The following SSH2 variants were observed in gnomAD, a reference collection of about 807,000 sequenced individuals.
The protein encoded by SSH2 is slingshot protein phosphatase 2.
In SSH2, 37 loss-of-function variants were observed where a neutral mutation model predicts 135.2. That is an observed-to-expected ratio of 0.27 (90% CI 0.21 to 0.36). SSH2 has a LOEUF of 0.36. Among genes scored for constraint, SSH2 ranks in the 10% least tolerant of loss-of-function variants. SSH2 has a pLI of 1.00. For synonymous variants in SSH2, 628 were observed against 646.2 expected (o/e 0.97, Z 0.43); for missense variants, 1,408 against 1,765.3 (o/e 0.80, Z 3.63).
At position 29,929,945 on chromosome 17, in the gene SSH2, C is replaced by A; in HGVS notation, c.56G>T (p.Cys19Phe). ...SPTPSTTSSP[C>F]ASSSHLEDSE... ...CCGCCAGGAAGGACTCACCGAGGCG[C>A]AGGGGCTGGAGGTGGTGCTGGGGGT... Residue 19 changes from cysteine (C) to phenylalanine (F), a missense_variant, in exon 1 of 16, where the codon TGC becomes TTC. Physicochemically the swap from Cys to Phe is radical, Grantham distance 205 (BLOSUM62 -2). Around this residue, in one of 3 missense-constraint regions of SSH2, gnomAD observed 222 missense variants for 355.6 expected, o/e 0.62. Transcript: ENST00000540801. 1 of 1,601,106 alleles carries A rather than the reference C, an allele frequency of 6.2e-7. No homozygotes were observed.
At position 29,632,045 on chromosome 17, in the gene SSH2, T is replaced by C. The variant is rs778052358; in HGVS notation, c.3149A>G (p.His1050Arg). The change falls in exon 16 of 16, where the codon CAC becomes CGC. Residue 1050 changes from histidine to arginine, a missense_variant. Around this residue, in one of 3 missense-constraint regions of SSH2, gnomAD observed 1,080 missense variants for 1,144.5 expected, o/e 0.94. Transcript: ENST00000540801. ...GGCTATTTCACTCCCTGGCCCAGTG[T>C]GATTGGGTGATGTAACTATGTGGGT... ...EYTHIVTSPNHTGPGSEIATS... is the reference protein window; with the variant it reads ...EYTHIVTSPNRTGPGSEIATS... 1 of 1,614,166 alleles carries C rather than the reference T, an allele frequency of 6.2e-7. No homozygotes were observed. The highest frequency in any genetic ancestry group is 8.5e-7 in the Non-Finnish European group (1 of 1,180,020).
intron 3 of SSH2, among the ~76,000 whole-genome samples, chr17:29,769,120 A>G (rs1332940528): frequency 1.3e-5 from 2 of 152,220 alleles, no homozygotes; most frequent in Non-Finnish European, 2.9e-5. Flanking sequence ...CAATCCTATG[A>G]TTCTATTATT....
At chr17:29,738,889 G>GA (rs2040465574) in intron 3 of SSH2, among the ~76,000 whole-genome samples, 2 of 152,038 alleles carry the variant, frequency 1.3e-5, no homozygotes, top group African/African-American at 4.8e-5. Flanking sequence ...AAGATGAGAG[G>GA]AAAAAATACT....
chr17:29,652,065 C>A (rs2036598388), intron 12 of SSH2, among the ~76,000 whole-genome samples: 1 of 152,118 alleles, frequency 6.6e-6, no homozygotes, highest in South Asian at 2.1e-4. Context: ...TTGCTTGAAC[C>A]CGGGAGGCGG....
At chr17:29,678,485 C>T (rs2037820914) in intron 6 of SSH2, among the ~76,000 whole-genome samples, 1 of 152,078 alleles carries the variant, frequency 6.6e-6, no homozygotes, top group African/African-American at 2.4e-5. Context: ...ATTTACTTAA[C>T]ACCAGAACAC....
chr17:29,823,878 C>CAAAAAA (rs60064865), intron 2 of SSH2, among the ~76,000 whole-genome samples: 4 of 85,054 alleles, frequency 4.7e-5, no homozygotes, highest in African/African-American at 1.4e-4. Flanking sequence ...GACTCTGTCT[C>CAAAAAA]AAAAAAAAAA....
At chr17:29,794,450 T>G (rs2042123682) in intron 2 of SSH2, among the ~76,000 whole-genome samples, 1 of 152,296 alleles carries the variant, frequency 6.6e-6, no homozygotes, top group South Asian at 2.1e-4. Flanking sequence ...GTTCCTCAAT[T>G]TAAGTACATT....
At chr17:29,732,289 T>C (rs984122216) in intron 3 of SSH2, among the ~76,000 whole-genome samples, 1 of 152,196 alleles carries the variant, frequency 6.6e-6, no homozygotes, top group African/African-American at 2.4e-5. Flanking sequence ...CAGGAGTATA[T>C]AAATGCAAAT....
At chr17:29,751,199 T>A (rs762815891) in intron 3 of SSH2, among the ~76,000 whole-genome samples, 4 of 152,258 alleles carry the variant, frequency 2.6e-5, no homozygotes, top group Non-Finnish European at 5.9e-5. Context: ...GTGGATCACC[T>A]GAGGTCCAGA....
At chr17:29,879,808 T>C (rs1168850056) in intron 1 of SSH2, among the ~76,000 whole-genome samples, 2 of 152,144 alleles carry the variant, frequency 1.3e-5, no homozygotes, top group African/African-American at 4.8e-5. Context: ...CAAGATGCAA[T>C]GTTTCCAAAT....
chr17:29,871,529 T>G (rs2065936596), intron 1 of SSH2, among the ~76,000 whole-genome samples: 1 of 152,238 alleles, frequency 6.6e-6, no homozygotes. Flanking sequence ...TTCTTTTTCA[T>G]GTCAGTGTGG....
At chr17:29,849,886 C>T (rs1291629324) in intron 1 of SSH2, among the ~76,000 whole-genome samples, 3 of 142,354 alleles carry the variant, frequency 2.1e-5, no homozygotes, top group Non-Finnish European at 4.6e-5. Context: ...ATATATTAGC[C>T]GGGCATGGCA....
intron 1 of SSH2, among the ~76,000 whole-genome samples, chr17:29,914,571 A>AAC (rs1555543671): frequency 4.6e-4 from 69 of 149,196 alleles, no homozygotes; most frequent in East Asian, 5.9e-4. Context: ...AAAAAAAAAA[A>AAC]AAACAAACAA....
intron 4 of SSH2, among the ~76,000 whole-genome samples, chr17:29,697,080 C>G (rs1250469120): frequency 6.6e-6 from 1 of 152,158 alleles, no homozygotes; most frequent in Non-Finnish European, 1.5e-5. Flanking sequence ...TTTGAATCTT[C>G]ACTTGTTCTT....
chr17:29,684,408 C>T (rs1472449535), intron 6 of SSH2, among the ~76,000 whole-genome samples, 155 bp downstream of exon 6: 10 of 145,340 alleles, frequency 6.9e-5, no homozygotes, highest in Non-Finnish European at 1.0e-4. Flanking sequence ...ACCCGGGAGG[C>T]GGAGGTTGCA....
chr17:29,793,272 ATGAG>A (rs1233769193), intron 3 of SSH2, among the ~76,000 whole-genome samples: 3 of 152,164 alleles, frequency 2.0e-5, no homozygotes, highest in Non-Finnish European at 4.4e-5. Flanking sequence ...CCACTATTCC[ATGAG>A]AAGAGGGTAA....
intron 3 of SSH2, among the ~76,000 whole-genome samples, chr17:29,722,624 G>A (rs1434177409): frequency 6.6e-6 from 1 of 152,166 alleles, no homozygotes; most frequent in Non-Finnish European, 1.5e-5. Context: ...AATGAAAACA[G>A]CTATCAATAA....
intron 1 of SSH2, among the ~76,000 whole-genome samples, chr17:29,863,237 C>T (rs1267749099): frequency 2.6e-5 from 4 of 152,070 alleles, no homozygotes; most frequent in African/African-American, 9.7e-5. Flanking sequence ...GATAAATTGC[C>T]CAGAACTGTT....
intron 1 of SSH2, among the ~76,000 whole-genome samples, chr17:29,873,580 A>G (rs1332213113): frequency 6.6e-6 from 1 of 152,184 alleles, no homozygotes; most frequent in African/African-American, 2.4e-5. Flanking sequence ...AATTCCAAAG[A>G]AACACATGGA....
Sources: allele counts gnomAD v4.1 joint callset (sites outside exome capture counted in the v4.1 genomes callset), GRCh38; gene constraint gnomAD v4.1.1; regional missense constraint gnomAD v4.1.1; transcripts MANE v1.5; gene names NCBI Gene and HGNC (gene_info 2026-07-23, HGNC 2026-07-21).